Variants in DIP2C observed in about 807,000 individuals in gnomAD.
The protein encoded by DIP2C is DIP2 acetate--CoA ligase C (putative), also known as disco-interacting protein 2 homolog C.
DIP2C carries 33 observed loss-of-function variants against 192.4 expected under a neutral mutation model. That is an observed-to-expected ratio of 0.17 (90% CI 0.13 to 0.23). The LOEUF is 0.23. Among genes scored for constraint, DIP2C ranks in the 10% least tolerant of loss-of-function variants. DIP2C has a pLI of 1.00. For missense variants in DIP2C, 1,537 were observed against 2,110.1 expected (o/e 0.73, Z 5.32); for synonymous variants, 979 against 864.1 (o/e 1.13, Z -2.33).
At chr10:406,403 C>T (rs959130518) in intron 9 of DIP2C, among the ~76,000 whole-genome samples, 1 of 152,240 alleles carries the variant, frequency 6.6e-6, no homozygotes, top group Non-Finnish European at 1.5e-5. Flanking sequence ...TCCTCTCCCC[C>T]AGTCCCTGGC....
chr10:374,938 G>A (rs1209342742), intron 17 of DIP2C, among the ~76,000 whole-genome samples: 2 of 152,188 alleles, frequency 1.3e-5, no homozygotes, highest in African/African-American at 4.8e-5. Context: ...TGGTGTTCAA[G>A]ACCAAACAGC....
intron 1 of DIP2C, among the ~76,000 whole-genome samples, chr10:625,601 G>C (rs1207419635): frequency 4.6e-5 from 7 of 152,158 alleles, no homozygotes; most frequent in Non-Finnish European, 1.0e-4. Context: ...CTCGGGGAAG[G>C]ACAGAAAGTG....
At chr10:621,414 G>C (rs943715511) in intron 1 of DIP2C, among the ~76,000 whole-genome samples, 3 of 145,882 alleles carry the variant, frequency 2.1e-5, no homozygotes, top group African/African-American at 7.7e-5. Context: ...ATGTGCTCAC[G>C]AGTCTGCCAA....
intron 1 of DIP2C, among the ~76,000 whole-genome samples, chr10:523,657 C>CA (rs1269900495): frequency 6.9e-6 from 1 of 145,642 alleles, no homozygotes; most frequent in Non-Finnish European, 1.5e-5. Context: ...CTACCGGATG[C>CA]AAAGGACCCT....
chr10:308,398 T>C (rs1956423063), intron 32 of DIP2C, among the ~76,000 whole-genome samples: 1 of 151,894 alleles, frequency 6.6e-6, no homozygotes, highest in African/African-American at 2.4e-5. Context: ...AGCAGCCTAG[T>C]CAGGGAAAAG....
intron 3 of DIP2C, among the ~76,000 whole-genome samples, chr10:449,920 C>CAACAACAAAAAAAAAAAAAAAAAAAAAA (rs1408389732): frequency 7.4e-6 from 1 of 135,912 alleles, no homozygotes; most frequent in African/African-American, 3.0e-5. Context: ...TCAACAACAA[C>CAACAACAAAAAAAAAAAAAAAAAAAAAA]AAAAAAAAAA....
At chr10:454,370 C>A (rs557063786) in intron 3 of DIP2C, among the ~76,000 whole-genome samples, 1 of 152,218 alleles carries the variant, frequency 6.6e-6, no homozygotes, top group East Asian at 1.9e-4. Context: ...GGATAAAATA[C>A]TAAAAATACT....
At chr10:511,369 A>G (rs1846000110) in intron 1 of DIP2C, among the ~76,000 whole-genome samples, 1 of 152,216 alleles carries the variant, frequency 6.6e-6, no homozygotes, top group Non-Finnish European at 1.5e-5. Flanking sequence ...ACAGAGTTCC[A>G]TGTCGTTAAA....
chr10:527,908 C>CA (rs1217432696), intron 1 of DIP2C, among the ~76,000 whole-genome samples: 6 of 152,240 alleles, frequency 3.9e-5, no homozygotes, highest in East Asian at 1.9e-4. Context: ...GTCCATCCTC[C>CA]AGGCCACGGC....
chr10:362,421 C>A, intron 22 of DIP2C, 69 bp downstream of exon 22: 1 of 1,534,804 alleles, frequency 6.5e-7, no homozygotes, highest in South Asian at 1.2e-5. Flanking sequence ...TGAACTCCCG[C>A]ACCTCCCAGT....
chr10:560,551 C>G (rs1369276173), intron 1 of DIP2C, among the ~76,000 whole-genome samples: 1 of 152,176 alleles, frequency 6.6e-6, no homozygotes, highest in African/African-American at 2.4e-5. Flanking sequence ...CCTCTTGATT[C>G]TCAGGCTGGT....
intron 4 of DIP2C, 103 bp from the exon 5 acceptor site, chr10:423,136 G>T: frequency 9.1e-7 from 1 of 1,103,688 alleles, no homozygotes; most frequent in Non-Finnish European, 1.3e-6. Context: ...AGTCTCAATA[G>T]TTGTTCAATG....
chr10:524,331 G>A (rs529721947), intron 1 of DIP2C, among the ~76,000 whole-genome samples: 1 of 152,316 alleles, frequency 6.6e-6, no homozygotes, highest in South Asian at 2.1e-4. Context: ...CTGCTCAGAT[G>A]CAAAAAGCAA....
chr10:303,015 A>C (rs1475467158), intron 32 of DIP2C, among the ~76,000 whole-genome samples: 1 of 152,132 alleles, frequency 6.6e-6, no homozygotes, highest in Non-Finnish European at 1.5e-5. Flanking sequence ...GTAGGTTCGT[A>C]AACACCGTAC....
chr10:609,020 T>A (rs1360585168), intron 1 of DIP2C, among the ~76,000 whole-genome samples: 26 of 151,970 alleles, frequency 1.7e-4, no homozygotes, highest in Non-Finnish European at 1.0e-4. Flanking sequence ...CCTATAAGCA[T>A]GATTTTGTCA....
chr10:291,525 G>T (rs1175127413), intron 32 of DIP2C, among the ~76,000 whole-genome samples: 1 of 152,222 alleles, frequency 6.6e-6, no homozygotes, highest in Non-Finnish European at 1.5e-5. Context: ...TAAAGAACTA[G>T]GAGATATATT....
At chr10:410,120 A>T (rs539984245) in intron 8 of DIP2C, among the ~76,000 whole-genome samples, 3 of 152,234 alleles carry the variant, frequency 2.0e-5, no homozygotes, top group Non-Finnish European at 2.9e-5. Context: ...AATTAATTTC[A>T]TATCAGAATG....
chr10:613,147 G>C (rs79155413), intron 1 of DIP2C, among the ~76,000 whole-genome samples: 1 of 152,160 alleles, frequency 6.6e-6, no homozygotes, highest in African/African-American at 2.4e-5. Context: ...CTCATTTCAG[G>C]GGAAATTACC....
chr10:451,480 C>T (rs560159359), intron 3 of DIP2C, among the ~76,000 whole-genome samples: 9 of 152,296 alleles, frequency 5.9e-5, no homozygotes, highest in African/African-American at 2.2e-4. Flanking sequence ...TTTACAGCCT[C>T]TTTCTATGTG....
Sources: allele counts gnomAD v4.1 joint callset (sites outside exome capture counted in the v4.1 genomes callset), GRCh38; gene constraint gnomAD v4.1.1; transcripts MANE v1.5; gene names NCBI Gene and HGNC (gene_info 2026-07-23, HGNC 2026-07-21).